PTPRE: variants seen among roughly 807,000 people sequenced by gnomAD.
PTPRE encodes receptor-type tyrosine-protein phosphatase epsilon.
A neutral mutation model predicts 102.0 loss-of-function variants in PTPRE; 51 were observed. That is an observed-to-expected ratio of 0.50 (90% CI 0.40 to 0.63). The LOEUF is 0.63. Among genes scored for constraint, PTPRE ranks in the 30% least tolerant of loss-of-function variants. The pLI, the probability that PTPRE is intolerant of heterozygous loss-of-function variation, is 0.00. For synonymous variants in PTPRE, 345 were observed against 348.2 expected (o/e 0.99, Z 0.10); for missense variants, 752 against 915.1 (o/e 0.82, Z 2.30).
chr10:128,084,910 T>C lies in PTPRE; in HGVS notation c.*2004T>C, dbSNP rs566436404. The C allele has an allele frequency of 8.4e-6, 2 of 238,478 alleles. No individual in the cohort carries two copies. Among genetic ancestry groups the C allele is most frequent in the South Asian group, 4.4e-5 (1 of 22,552 alleles). 14.8% of individuals were successfully genotyped at this position (238,478 alleles called of 1,614,324 possible). ...TGTCAGAATCCTTGAAGCCCTTTAA[T>C]GGTCTAACTGGCATCTCTTGTATCA... On this transcript the variant is annotated 3_prime_UTR_variant, in exon 21 of 21. Transcript: ENST00000254667.
chr10:127,909,165 G>A (rs1845692024), intron 1 of PTPRE, among the ~76,000 whole-genome samples: 1 of 152,166 alleles, frequency 6.6e-6, no homozygotes, highest in Non-Finnish European at 1.5e-5. Flanking sequence ...GTGCCCTGAT[G>A]GGAGCCCCCT....
intron 1 of PTPRE, chr10:127,965,083 A>C: frequency 2.2e-6 from 1 of 452,312 alleles, no homozygotes; most frequent in South Asian, 1.6e-5. Context: ...TCTAAAATTC[A>C]GTCCAATTCC....
At chr10:127,958,514 TG>T (rs1440056979) in intron 1 of PTPRE, among the ~76,000 whole-genome samples, 1 of 152,262 alleles carries the variant, frequency 6.6e-6, no homozygotes, top group Non-Finnish European at 1.5e-5. Flanking sequence ...TTTTCAAATT[TG>T]AATCAACCTT....
chr10:128,077,898 G>A, intron 19 of PTPRE, 115 bp downstream of exon 19: 1 of 1,221,058 alleles, frequency 8.2e-7, no homozygotes, highest in South Asian at 1.6e-5. Flanking sequence ...GTATTCCCTA[G>A]AGTCTCCTCT....
At position 128,054,277 on chromosome 10, in the gene PTPRE, C is replaced by T. The variant is rs923984861; in HGVS notation, c.421-1846C>T. 1.2e-4 allele frequency among the ~76,000 whole-genome samples: 18 copies of T among 152,234 alleles called. No individual in the cohort carries two copies. The East Asian group carries it at 2.5e-3, about 21-fold the overall frequency. On this transcript the variant is annotated intron_variant, in intron 6 of 20. Coordinates refer to ENST00000254667, the MANE Select transcript of PTPRE (RefSeq NM_006504.6). ...TCCACACGTCAGGGTTTGTGTGTTG[C>T]GCATTCTGTGGGTTTTGACGAATGC...
intron 1 of PTPRE, among the ~76,000 whole-genome samples, chr10:127,940,753 C>T (rs989406761): frequency 1.3e-5 from 2 of 152,204 alleles, no homozygotes; most frequent in Admixed American, 1.3e-4. Context: ...AAGCTATCCT[C>T]CCACCTCAGC....
intron 2 of PTPRE, among the ~76,000 whole-genome samples, chr10:128,027,881 C>T (rs1590060563): frequency 6.6e-6 from 1 of 152,134 alleles, no homozygotes; most frequent in Non-Finnish European, 1.5e-5. Flanking sequence ...TGAAAGAGGG[C>T]AGGTGACAGT....
At chr10:127,957,507 T>C (rs1460319792) in intron 1 of PTPRE, among the ~76,000 whole-genome samples, 4 of 152,224 alleles carry the variant, frequency 2.6e-5, no homozygotes, top group African/African-American at 9.6e-5. Context: ...TGTATACCTT[T>C]TATTTTCTTG....
chr10:127,990,338 G>A (rs1301651063), intron 2 of PTPRE, among the ~76,000 whole-genome samples: 2 of 149,746 alleles, frequency 1.3e-5, no homozygotes, highest in Non-Finnish European at 1.5e-5. Context: ...CTTGAACCCA[G>A]GAGGCGGAGG....
chr10:127,931,434 T>C (rs1478866378), intron 1 of PTPRE, among the ~76,000 whole-genome samples: 1 of 152,238 alleles, frequency 6.6e-6, no homozygotes, highest in African/African-American at 2.4e-5. Flanking sequence ...TTTTGCCTTT[T>C]CTCGTGACAC....
chr10:128,047,461 G>C lies in PTPRE; in HGVS notation c.181G>C (p.Val61Leu). 1.2e-6 allele frequency: 2 copies of C among 1,613,364 alleles called. No individual in the cohort carries two copies. The highest frequency in any genetic ancestry group is 2.2e-5 in the South Asian group (2 of 91,062). Residue 61 changes from valine to leucine, a missense_variant, in exon 4 of 21, where the codon GTG becomes CTG. Physicochemically the swap from Val to Leu is conservative, Grantham distance 32. Around this residue, in one of 2 missense-constraint regions of PTPRE, gnomAD observed 116 missense variants for 90.8 expected, o/e 1.28. Coordinates refer to ENST00000254667, the MANE Select transcript of PTPRE (RefSeq NM_006504.6). ...LLLPLLLLLL[V>L]LLLAAYFFRF... ...ACTGCCGCTGCTGCTCCTCCTCCTC[G>C]TGCTCCTTCTCGCCGCCTACTTCTT... is the stretch of plus-strand genomic sequence containing the variant.
chr10:127,917,904 C>T (rs1440939300), intron 1 of PTPRE, among the ~76,000 whole-genome samples: 1 of 152,012 alleles, frequency 6.6e-6, no homozygotes, highest in African/African-American at 2.4e-5. Flanking sequence ...CTGGCACGCA[C>T]CTGTAATCCC....
At chr10:127,988,587 G>A (rs1415289145) in intron 2 of PTPRE, among the ~76,000 whole-genome samples, 1 of 152,088 alleles carries the variant, frequency 6.6e-6, no homozygotes, top group Non-Finnish European at 1.5e-5. Context: ...TTACAGGCAT[G>A]AGCCACCCTA....
intron 2 of PTPRE, among the ~76,000 whole-genome samples, chr10:128,004,665 G>A (rs1486584390): frequency 6.6e-6 from 1 of 152,196 alleles, no homozygotes; most frequent in Non-Finnish European, 1.5e-5. Context: ...ACTTAGGTTA[G>A]TTTCTGCCTT....
intron 1 of PTPRE, among the ~76,000 whole-genome samples, chr10:127,932,308 A>G (rs1027050172): frequency 2.0e-5 from 3 of 152,232 alleles, no homozygotes; most frequent in African/African-American, 7.2e-5. Flanking sequence ...AATTAGCTTT[A>G]TCGATAAATG....
chr10:127,924,953 G>A (rs1403500129), intron 1 of PTPRE, among the ~76,000 whole-genome samples: 3 of 152,236 alleles, frequency 2.0e-5, no homozygotes, highest in African/African-American at 7.2e-5. Context: ...ACTTGGAAAT[G>A]CACATTCCCA....
chr10:127,932,552 C>T (rs1847523093), intron 1 of PTPRE, among the ~76,000 whole-genome samples: 1 of 152,198 alleles, frequency 6.6e-6, no homozygotes, highest in Non-Finnish European at 1.5e-5. Context: ...CTCATCATTG[C>T]AGCTGCAGTT....
intron 1 of PTPRE, among the ~76,000 whole-genome samples, chr10:127,915,182 A>G (rs1301356320): frequency 6.6e-6 from 1 of 152,220 alleles, no homozygotes. Flanking sequence ...CTCCTGTACA[A>G]TCCTAGTTGC....
chr10:128,045,490 G>A (rs891613949), intron 3 of PTPRE, among the ~76,000 whole-genome samples: 2 of 152,228 alleles, frequency 1.3e-5, no homozygotes, highest in Non-Finnish European at 2.9e-5. Flanking sequence ...GGCCCCGGGA[G>A]ATGAGGGCAG....
Sources: gnomAD v4.1 joint callset for allele counts (sites outside exome capture counted in the v4.1 genomes callset) on GRCh38, gnomAD v4.1.1 for gene constraint, gnomAD v4.1.1 regional missense constraint, MANE v1.5 for transcripts, NCBI Gene and HGNC (gene_info 2026-07-23, HGNC 2026-07-21) for gene names.